The following TMTC2 variants were observed in gnomAD, a reference collection of about 807,000 sequenced individuals.
TMTC2 encodes the protein protein O-mannosyl-transferase TMTC2.
A neutral mutation model predicts 82.4 loss-of-function variants in TMTC2; 43 were observed. The observed-to-expected ratio is 0.52, with a 90% CI of 0.41 to 0.67. The LOEUF is 0.67. Ranked by LOEUF, TMTC2 falls within the 30% of genes least tolerant of loss-of-function variation. The pLI, the probability that TMTC2 is intolerant of heterozygous loss-of-function variation, is 0.00. For missense variants in TMTC2, 919 were observed against 1,012.4 expected, an observed-to-expected ratio of 0.91 and a Z score of 1.25; for synonymous variants, 408 against 381.9, an observed-to-expected ratio of 1.07 and a Z score of -0.80.
chr12:82,744,587 A>AAAAAAAAAG (rs1875589846), intron 1 of TMTC2, among the ~76,000 whole-genome samples: 1 of 151,742 alleles, frequency 6.6e-6, no homozygotes, highest in East Asian at 1.9e-4. Flanking sequence ...ACTCTAAAAA[A>AAAAAAAAAG]AAAAAAAAGA....
chr12:83,037,879 T>C (rs1315213234), intron 9 of TMTC2, among the ~76,000 whole-genome samples: 1 of 152,006 alleles, frequency 6.6e-6, no homozygotes, highest in Non-Finnish European at 1.5e-5. Context: ...TAAAGAATAA[T>C]TTCTTTAAAG....
chr12:82,831,874 G>A (rs1482419649), intron 1 of TMTC2, among the ~76,000 whole-genome samples: 1 of 152,144 alleles, frequency 6.6e-6, no homozygotes, highest in Non-Finnish European at 1.5e-5. Context: ...CCAATGCAGT[G>A]AATCTCCTTC....
intron 1 of TMTC2, among the ~76,000 whole-genome samples, chr12:82,847,107 T>A (rs947226263): frequency 6.6e-6 from 1 of 152,172 alleles, no homozygotes; most frequent in African/African-American, 2.4e-5. Flanking sequence ...TTTCTCTCAT[T>A]CTCTTACCCT....
intron 8 of TMTC2, among the ~76,000 whole-genome samples, chr12:83,021,710 C>T (rs532361448): frequency 2.0e-5 from 3 of 152,268 alleles, no homozygotes; most frequent in East Asian, 3.9e-4. Flanking sequence ...ACTCATTTCT[C>T]ATTACTTCCA....
At chr12:83,097,808 C>T (rs1013281513) in intron 11 of TMTC2, among the ~76,000 whole-genome samples, 5 of 152,064 alleles carry the variant, frequency 3.3e-5, no homozygotes, top group Non-Finnish European at 7.4e-5. Context: ...TGCGCATGCA[C>T]AGGAAGAACA....
intron 11 of TMTC2, among the ~76,000 whole-genome samples, chr12:83,072,985 A>G (rs999795187): frequency 3.3e-5 from 5 of 151,768 alleles, no homozygotes; most frequent in Admixed American, 1.3e-4. Flanking sequence ...TTTACATTCT[A>G]TGTTAATGTT....
chr12:83,038,303 T>C (rs1198679750), intron 9 of TMTC2, among the ~76,000 whole-genome samples: 5 of 151,608 alleles, frequency 3.3e-5, no homozygotes, highest in Admixed American at 1.3e-4. Flanking sequence ...TATATATATA[T>C]ACTCAAAAAA....
chr12:82,942,996 G>C (rs2137265242), intron 4 of TMTC2, among the ~76,000 whole-genome samples: 1 of 152,292 alleles, frequency 6.6e-6, no homozygotes, highest in East Asian at 1.9e-4. Flanking sequence ...GCTGCAAGTG[G>C]TCTTAGGAAA....
intron 4 of TMTC2, among the ~76,000 whole-genome samples, chr12:82,951,394 A>T (rs1285445473): frequency 6.6e-6 from 1 of 152,052 alleles, no homozygotes; most frequent in Non-Finnish European, 1.5e-5. Flanking sequence ...GGGTTCAAGC[A>T]GTTCTCCTGC....
intron 11 of TMTC2, among the ~76,000 whole-genome samples, chr12:83,113,416 G>T (rs1437850063): frequency 1.3e-5 from 2 of 152,180 alleles, no homozygotes; most frequent in African/African-American, 4.8e-5. Flanking sequence ...CAGGCCGATT[G>T]TGGCAATTTC....
At chr12:82,701,732 C>T (rs1873093498) in intron 1 of TMTC2, among the ~76,000 whole-genome samples, 2 of 150,262 alleles carry the variant, frequency 1.3e-5, no homozygotes, top group Non-Finnish European at 3.0e-5. Context: ...TTGTGCTCTA[C>T]CCTGGGCAAC....
At chr12:82,860,568 A>G (rs914025329) in intron 2 of TMTC2, among the ~76,000 whole-genome samples, 4 of 152,246 alleles carry the variant, frequency 2.6e-5, no homozygotes, top group African/African-American at 7.2e-5. Context: ...GAAGGCAGCT[A>G]TAGTTCTCTC....
At chr12:83,114,976 GTATCTTCCA>G (rs1208250474) in intron 11 of TMTC2, among the ~76,000 whole-genome samples, 25 of 151,958 alleles carry the variant, frequency 1.6e-4, no homozygotes, top group Non-Finnish European at 3.1e-4. Context: ...GTCTCTGCTT[GTATCTTCCA>G]TGACAATTGA....
chr12:82,812,014 C>T (rs1185182922), intron 1 of TMTC2, among the ~76,000 whole-genome samples: 6 of 151,786 alleles, frequency 4.0e-5, no homozygotes, highest in African/African-American at 9.7e-5. Context: ...GACATGGTTT[C>T]GCCATGTTGG....
At chr12:83,020,207 G>A (rs1215283517) in intron 8 of TMTC2, among the ~76,000 whole-genome samples, 3 of 152,152 alleles carry the variant, frequency 2.0e-5, no homozygotes, top group African/African-American at 7.2e-5. Flanking sequence ...TGCTTCGTTA[G>A]GGCAGGAGTT....
At chr12:82,857,603 G>C in intron 2 of TMTC2, 23 bp downstream of exon 2, 1 of 1,571,624 alleles carries the variant, frequency 6.4e-7, no homozygotes, top group Non-Finnish European at 8.6e-7. Flanking sequence ...TGGCTCTTGA[G>C]CATTGGATTA....
intron 4 of TMTC2, among the ~76,000 whole-genome samples, chr12:82,952,679 G>A (rs1345480605): frequency 6.6e-6 from 1 of 152,090 alleles, no homozygotes; most frequent in African/African-American, 2.4e-5. Flanking sequence ...CCTAGTAGCT[G>A]GAACTACAAG....
intron 11 of TMTC2, among the ~76,000 whole-genome samples, chr12:83,121,749 G>C (rs1054458180): frequency 1.3e-5 from 2 of 152,148 alleles, no homozygotes; most frequent in Non-Finnish European, 2.9e-5. Context: ...TCAGTTACCA[G>C]GGTGGGTAGG....
chr12:83,018,049 GTA>G lies in TMTC2; in HGVS notation c.2071-12734_2071-12733del, dbSNP rs760450921. Among the ~76,000 whole-genome samples the G allele has an allele frequency of 5.9e-3, 865 of 147,542 alleles. 6 individuals are homozygous for G. The highest frequency in any genetic ancestry group is 0.02 in the African/African-American group (816 of 40,388). On this transcript the variant is annotated intron_variant, in intron 8 of 11. Transcript: ENST00000321196. ...GTATATATATATTGTGTGTGTGTAT[GTA>G]TATATATATATATAAAATTAGAGAA...
Sources: allele counts gnomAD v4.1 joint callset (sites outside exome capture counted in the v4.1 genomes callset), GRCh38; gene constraint gnomAD v4.1.1; transcripts MANE v1.5; gene names NCBI Gene and HGNC (gene_info 2026-07-23, HGNC 2026-07-21).